Variants in SLC1A3 observed in about 807,000 individuals in gnomAD.
SLC1A3 encodes the protein solute carrier family 1 member 3, also known as excitatory amino acid transporter 1.
A neutral mutation model predicts 48.1 loss-of-function variants in SLC1A3; 21 were observed. That is an observed-to-expected ratio of 0.44 (90% CI 0.31 to 0.63). SLC1A3 has a LOEUF of 0.63. Among genes scored for constraint, SLC1A3 ranks in the 20% least tolerant of loss-of-function variants. SLC1A3 has a pLI of 0.08. For synonymous variants in SLC1A3, 239 were observed against 251.4 expected, an observed-to-expected ratio of 0.95 and a Z score of 0.47; for missense variants, 546 against 689.0, an observed-to-expected ratio of 0.79 and a Z score of 2.32.
At chr5:36,609,972 G>C (rs569997379) in intron 2 of SLC1A3, among the ~76,000 whole-genome samples, 23 of 152,184 alleles carry the variant, frequency 1.5e-4, no homozygotes, top group Non-Finnish European at 2.9e-4. Context: ...TACTATTCCA[G>C]CTACTCTGTA....
At chr5:36,665,251 G>A (rs1422805710) in intron 3 of SLC1A3, among the ~76,000 whole-genome samples, 1 of 150,064 alleles carries the variant, frequency 6.7e-6, no homozygotes, top group Non-Finnish European at 1.5e-5. Context: ...CCTCTATCCA[G>A]CATAGCAACA....
At chr5:36,681,575 A>G (rs958401052) in intron 8 of SLC1A3, among the ~76,000 whole-genome samples, 4 of 152,092 alleles carry the variant, frequency 2.6e-5, no homozygotes, top group Non-Finnish European at 5.9e-5. Context: ...GTGAAAAGTT[A>G]TTTTCCTTTC....
chr5:36,661,805 A>G (rs1013006733), intron 3 of SLC1A3, among the ~76,000 whole-genome samples: 1 of 152,240 alleles, frequency 6.6e-6, no homozygotes, highest in African/African-American at 2.4e-5. Context: ...CCTTGGGAAG[A>G]AAGGTCACCC....
intron 3 of SLC1A3, among the ~76,000 whole-genome samples, chr5:36,649,536 T>C (rs1740976775): frequency 6.6e-6 from 1 of 152,154 alleles, no homozygotes; most frequent in Non-Finnish European, 1.5e-5. Flanking sequence ...CTTTCTATAG[T>C]TTATTATTTG....
chr5:36,597,003 T>C (rs1738748689), intron 1 of SLC1A3, among the ~76,000 whole-genome samples: 1 of 152,036 alleles, frequency 6.6e-6, no homozygotes, highest in South Asian at 2.1e-4. Flanking sequence ...CATTTGGATG[T>C]TTGGGTTTTT....
chr5:36,609,730 T>C (rs2111662795), intron 2 of SLC1A3, among the ~76,000 whole-genome samples: 1 of 152,322 alleles, frequency 6.6e-6, no homozygotes, highest in South Asian at 2.1e-4. Flanking sequence ...ATGGTTCAAT[T>C]AATTTAGAGA....
At position 36,677,054 on chromosome 5, in the gene SLC1A3, C is replaced by T. The variant is rs1742240364; in HGVS notation, c.730C>T (p.Leu244=). ...AGGATCTGTGAATGGAGTCAATGCCCTGGGTCTAGTTGTCTTCTCCATGTG... is the reference window on the plus strand; with the variant it reads ...AGGATCTGTGAATGGAGTCAATGCCTTGGGTCTAGTTGTCTTCTCCATGTG... ...VPGSVNGVNA[L]GLVVFSMCFG... Residue 244 remains leucine, a synonymous_variant, in exon 6 of 10, where the codon CTG becomes TTG. Coordinates refer to ENST00000265113, the MANE Select transcript of SLC1A3 (RefSeq NM_004172.5). The T allele has an allele frequency of 6.2e-7, 1 of 1,614,104 alleles. No individual in the cohort carries two copies. Among genetic ancestry groups the T allele is most frequent in the South Asian group, 1.1e-5 (1 of 91,076 alleles).
At chr5:36,684,829 G>T (rs1742580784) in intron 9 of SLC1A3, among the ~76,000 whole-genome samples, 1 of 152,164 alleles carries the variant, frequency 6.6e-6, no homozygotes. Context: ...GTGAGACCGG[G>T]CAGATTACCC....
chr5:36,609,908 T>A (rs1739124125), intron 2 of SLC1A3, among the ~76,000 whole-genome samples: 1 of 152,164 alleles, frequency 6.6e-6, no homozygotes, highest in Admixed American at 6.6e-5. Context: ...TGAATCAAAG[T>A]CATTGCCAAG....
At chr5:36,616,398 C>T (rs1428197226) in intron 2 of SLC1A3, among the ~76,000 whole-genome samples, 1 of 152,146 alleles carries the variant, frequency 6.6e-6, no homozygotes, top group African/African-American at 2.4e-5. Flanking sequence ...GAGGGCGCTC[C>T]CTTTTTCCCT....
At chr5:36,604,909 G>A (rs1041857017), upstream of SLC1A3, among the ~76,000 whole-genome samples, 1 of 63,260 alleles carries the variant, frequency 1.6e-5, no homozygotes, top group Non-Finnish European at 3.3e-5. Context: ...AAAGCGGTGG[G>A]GGGGGGGGGT....
rs150019358 is a variant in SLC1A3, at chr5:36,641,756, A to C, written c.319+12169A>C. On this transcript the variant is annotated intron_variant, in intron 3 of 9. Coordinates refer to ENST00000265113, the MANE Select transcript of SLC1A3 (RefSeq NM_004172.5). ...ACATCAGTGTAGTAGTTCTCAAGATACTGAAAATTCATAACATTCTTATGG... is the reference window on the plus strand; with the variant it reads ...ACATCAGTGTAGTAGTTCTCAAGATCCTGAAAATTCATAACATTCTTATGG... Among the ~76,000 whole-genome samples, 850 of 152,336 alleles carry C rather than the reference A, an allele frequency of 5.6e-3. 6 individuals carry two copies. The highest frequency in any genetic ancestry group is 9.3e-3 in the Non-Finnish European group (636 of 68,026).
upstream of SLC1A3, among the ~76,000 whole-genome samples, chr5:36,602,206 C>A (rs2111631719): frequency 6.6e-6 from 1 of 152,198 alleles, no homozygotes; most frequent in Non-Finnish European, 1.5e-5. Context: ...AAAAAAACTC[C>A]TGGGGGCTTC....
At chr5:36,617,037 C>T (rs1041538519) in intron 2 of SLC1A3, among the ~76,000 whole-genome samples, 5 of 152,120 alleles carry the variant, frequency 3.3e-5, no homozygotes, top group African/African-American at 9.7e-5. Context: ...CGATGGGTGA[C>T]GAGGAGCTTG....
At chr5:36,683,399 A>G (rs1012139836) in intron 8 of SLC1A3, among the ~76,000 whole-genome samples, 1 of 136,784 alleles carries the variant, frequency 7.3e-6, no homozygotes, top group Non-Finnish European at 1.5e-5. Context: ...TGATTAGTTC[A>G]ATTTTTTTTT....
At chr5:36,651,521 C>G (rs1035792044) in intron 3 of SLC1A3, among the ~76,000 whole-genome samples, 5 of 150,764 alleles carry the variant, frequency 3.3e-5, no homozygotes, top group Admixed American at 1.3e-4. Context: ...TGTCTTATTT[C>G]TCACTCCTCC....
intron 3 of SLC1A3, among the ~76,000 whole-genome samples, chr5:36,653,265 G>C (rs967878650): frequency 8.5e-5 from 13 of 152,194 alleles, no homozygotes; most frequent in African/African-American, 3.1e-4. Context: ...CAGATGCTAG[G>C]TGTTTGGCAG....
intron 2 of SLC1A3, among the ~76,000 whole-genome samples, chr5:36,622,978 C>G (rs1739742215): frequency 7.0e-6 from 1 of 142,662 alleles, no homozygotes; most frequent in African/African-American, 2.6e-5. Flanking sequence ...CACCACTGCA[C>G]TGCAGCCTGG....
At chr5:36,686,000 G>A (rs549335477) in intron 9 of SLC1A3, 65 bp from the exon 10 acceptor site, 18 of 1,339,018 alleles carry the variant, frequency 1.3e-5, no homozygotes, top group South Asian at 9.4e-5. Context: ...AGTTCCTAAC[G>A]TAAGTTGAAA....
Sources: gnomAD v4.1 joint callset for allele counts (sites outside exome capture counted in the v4.1 genomes callset) on GRCh38, gnomAD v4.1.1 for gene constraint, MANE v1.5 for transcripts, NCBI Gene and HGNC (gene_info 2026-07-23, HGNC 2026-07-21) for gene names.